The following SVIP variants were observed in gnomAD, a reference collection of about 807,000 sequenced individuals.
The protein encoded by SVIP is small VCP/p97-interacting protein.
A neutral mutation model predicts 12.9 loss-of-function variants in SVIP; 14 were observed. The observed-to-expected ratio is 1.08, with a 90% CI of 0.72 to 1.70. The LOEUF (loss-of-function observed/expected upper bound fraction) is 1.70, where lower values mean the gene tolerates loss of function less well. SVIP is among the 40% of genes most tolerant of loss of function. The pLI is 0.00. For missense variants in SVIP, 93 were observed against 90.8 expected (o/e 1.02, Z -0.10); for synonymous variants, 35 against 33.3 (o/e 1.05, Z -0.17).
chr11:22,829,762 T>C lies in SVIP; in HGVS notation c.-14A>G. ...ACACAGCCCCATAGGGACGACAGCTTGAGAACCCTGACCGGGTCCGGCCCA... is the reference window on the plus strand; with the variant it reads ...ACACAGCCCCATAGGGACGACAGCTCGAGAACCCTGACCGGGTCCGGCCCA... On this transcript the variant is annotated 5_prime_UTR_variant, in exon 1 of 4. Transcript: ENST00000354193. 1.2e-6 allele frequency: 2 copies of C among 1,602,150 alleles called. No homozygotes were observed. Among genetic ancestry groups the C allele is most frequent in the Non-Finnish European group, 1.7e-6 (2 of 1,175,310 alleles).
rs1208688755 is a variant in SVIP at position 22,827,204 on chromosome 11, T to TA, written c.219+2dup. ...TAATCACTAAGAAAATTTTAATACT[T>TA]ACCCTAAGTCCACCTTCTGGTGGGG... On this transcript the variant is annotated splice_region_variant and intron_variant, in intron 3 of 3. Coordinates refer to ENST00000354193, the MANE Select transcript of SVIP (RefSeq NM_148893.3). The TA allele has an allele frequency of 6.2e-7, 1 of 1,604,180 alleles. No homozygotes were observed. The highest frequency in any genetic ancestry group is 8.5e-7 in the Non-Finnish European group (1 of 1,174,262).
chr11:22,823,115 T>C lies in SVIP; in HGVS notation c.*4A>G, dbSNP rs1349048255. 6.3e-7 allele frequency: 1 copy of C among 1,591,848 alleles called. No homozygotes were observed. The highest frequency in any genetic ancestry group is 1.8e-5 in the Admixed American group (1 of 56,642). On this transcript the variant is annotated 3_prime_UTR_variant, in exon 4 of 4. Coordinates refer to ENST00000354193, the MANE Select transcript of SVIP (RefSeq NM_148893.3). ...GCAGTAGATTCTTCTACTCATGTTA[T>C]GCTTTATGAAACTGTCCACTAGAAA...
intron 1 of SVIP, chr11:22,829,486 CA>C (rs1857866085): frequency 2.2e-6 from 1 of 447,330 alleles, no homozygotes; most frequent in Non-Finnish European, 3.9e-6. Flanking sequence ...CTTTTTGTTA[CA>C]AAAGTGGAGA....
rs186416851 is a variant in SVIP at position 22,828,279 on chromosome 11, T to G, written c.55-405A>C. ...AATAAATGAAGTGGGCTAATCTCAG[T>G]GTGTAGGAGGGAAGGACTGGAGTAA... On this transcript the variant is annotated intron_variant, in intron 1 of 3. Coordinates refer to ENST00000354193, the MANE Select transcript of SVIP (RefSeq NM_148893.3). Among the ~76,000 whole-genome samples the G allele has an allele frequency of 1.4e-3, 215 of 152,232 alleles. 1 individual carries two copies. Among genetic ancestry groups the G allele is most frequent in the African/African-American group, 4.8e-3 (198 of 41,508 alleles).
rs957047957 is a variant in SVIP, at chr11:22,821,864, A to G, written c.*1255T>C. 1 of 152,204 alleles carries G rather than the reference A, an allele frequency of 6.6e-6. No individual in the cohort carries two copies. The highest frequency in any genetic ancestry group is 1.5e-5 in the Non-Finnish European group (1 of 68,018). 9.4% of individuals were successfully genotyped at this position (152,204 alleles called of 1,614,324 possible). A position where few individuals can be genotyped will look rare whatever the true frequency, so the allele number is the denominator to read the frequency against. Reference sequence around the variant, plus strand: ...ATAGTTCAAACTTTTAAAAATTAACATGTACAATACACTGCAGTATAACAT... The same window carrying G: ...ATAGTTCAAACTTTTAAAAATTAACGTGTACAATACACTGCAGTATAACAT... On this transcript the variant is annotated 3_prime_UTR_variant, in exon 4 of 4. Coordinates refer to ENST00000354193, the MANE Select transcript of SVIP (RefSeq NM_148893.3).
chr11:22,829,587 G>A, intron 1 of SVIP, 108 bp downstream of exon 1: 2 of 1,176,134 alleles, frequency 1.7e-6, no homozygotes, highest in Non-Finnish European at 2.4e-6. Context: ...GGGTCCCCCA[G>A]CGGGCTCTCG....
chr11:22,829,054 T>C (rs1365419887), intron 1 of SVIP, among the ~76,000 whole-genome samples: 1 of 152,188 alleles, frequency 6.6e-6, no homozygotes, highest in Non-Finnish European at 1.5e-5. Context: ...AAAACGATAT[T>C]ATAAACGTAT....
rs1290620088 is a variant in SVIP at position 22,821,386 on chromosome 11, A to G, written c.*1733T>C. ...CTTTTCACGAAAAGTAATAGATCTG[A>G]ATATCATTCATGGTTAACAATAGAT... is the stretch of plus-strand genomic sequence containing the variant. On this transcript the variant is annotated 3_prime_UTR_variant, in exon 4 of 4. Transcript: ENST00000354193. 6.6e-6 allele frequency: 1 copy of G among 152,006 alleles called. No homozygotes were observed. Among genetic ancestry groups the G allele is most frequent in the East Asian group, 1.9e-4 (1 of 5,188 alleles). 9.4% of individuals were successfully genotyped at this position (152,006 alleles called of 1,614,324 possible).
Position 22,823,091 on chromosome 11 carries a change from C to T in SVIP, c.*28G>A, listed in dbSNP as rs1191943829. 1 of 1,569,828 alleles carries T rather than the reference C, an allele frequency of 6.4e-7. No homozygotes were observed. Among genetic ancestry groups the T allele is most frequent in the South Asian group, 1.2e-5 (1 of 85,514 alleles). On this transcript the variant is annotated 3_prime_UTR_variant, in exon 4 of 4. Transcript: ENST00000354193. ...ATTGCAGATAATAAACAGTTATTGG[C>T]AGTAGATTCTTCTACTCATGTTATG...
Position 22,827,271 on chromosome 11 carries a change from T to G in SVIP, c.155A>C (p.Lys52Thr). 1 of 1,611,016 alleles carries G rather than the reference T, an allele frequency of 6.2e-7. No homozygotes were observed. Among genetic ancestry groups the G allele is most frequent in the South Asian group, 1.1e-5 (1 of 90,480 alleles). Residue 52 changes from lysine to threonine, a missense_variant, in exon 3 of 4, where the codon AAG (lysine) becomes ACG (threonine). Transcript: ENST00000354193. ...LDVQSVQEKR[K>T]KKEKIEKQIA... ...TTGTTTTTCTATTTTTTCCTTTTTC[T>G]TTCTCTTTTCTTGCACAGATTGAAC...
chr11:22,829,725 G>A lies in SVIP; in HGVS notation c.24C>T (p.Pro8=), dbSNP rs773598485. ...CCGGCGTGGGAGGCGCGGACTCCCC[G>A]GGACAAGGAAAACACAGCCCCATAG... MGLCFPC[P]GESAPPTPDL... is the part of the protein sequence containing the mutation. Residue 8 remains proline (P), a synonymous_variant, in exon 1 of 4, where the codon CCC becomes CCT. Coordinates refer to ENST00000354193, the MANE Select transcript of SVIP (RefSeq NM_148893.3). 3 of 1,607,392 alleles carry A rather than the reference G, an allele frequency of 1.9e-6. No individual in the cohort carries two copies. The highest frequency in any genetic ancestry group is 2.2e-5 in the East Asian group (1 of 44,680).
At position 22,825,829 on chromosome 11, in the gene SVIP, C is replaced by T. The variant is rs776009699; in HGVS notation, c.219+1378G>A. Among the ~76,000 whole-genome samples the T allele has an allele frequency of 3.9e-5, 6 of 152,244 alleles. No homozygotes were observed. The East Asian group carries it at 9.7e-4, about 25-fold the overall frequency. On this transcript the variant is annotated intron_variant, in intron 3 of 3. Transcript: ENST00000354193. ...AAATTATCCTTTTCCTATAACATTA[C>T]GTATGACTTTAACTTAATACCTTCA...
rs769163091 is a variant in SVIP, at chr11:22,823,086, AT to A, written c.*32del. 70 of 1,561,700 alleles carry A rather than the reference AT, an allele frequency of 4.5e-5. No homozygotes were observed. In the South Asian group the frequency reaches 7.7e-4, roughly 17 times the overall value. ...ACTTGATTGCAGATAATAAACAGTTATTGGCAGTAGATTCTTCTACTCATGT... is the reference window on the plus strand; with the variant it reads ...ACTTGATTGCAGATAATAAACAGTTATGGCAGTAGATTCTTCTACTCATGT... On this transcript the variant is annotated 3_prime_UTR_variant, in exon 4 of 4. Transcript: ENST00000354193.
rs1181340526 is a variant in SVIP, at chr11:22,829,777, G to T, written c.-29C>A. On this transcript the variant is annotated 5_prime_UTR_variant, in exon 1 of 4. Coordinates refer to ENST00000354193, the MANE Select transcript of SVIP (RefSeq NM_148893.3). The stretch of plus-strand genomic sequence containing the variant: ...GACGACAGCTTGAGAACCCTGACCG[G>T]GTCCGGCCCAGGCCAGGCGGCGCTA... 1.3e-6 allele frequency: 2 copies of T among 1,590,454 alleles called. No homozygotes were observed. Among genetic ancestry groups the T allele is most frequent in the Non-Finnish European group, 1.7e-6 (2 of 1,169,500 alleles).
In SVIP at chr11:22,820,688, A is replaced by C. The variant is rs1394375860; in HGVS notation, c.*2431T>G. On this transcript the variant is annotated 3_prime_UTR_variant, in exon 4 of 4. Transcript: ENST00000354193. Reference sequence around the variant, plus strand: ...ACCAAACCATGTGTGAGAACTGTTAAATTACATTCCAAATACCAGCAGTGG... The same window carrying C: ...ACCAAACCATGTGTGAGAACTGTTACATTACATTCCAAATACCAGCAGTGG... 1.3e-5 allele frequency: 2 copies of C among 152,246 alleles called. No homozygotes were observed. The highest frequency in any genetic ancestry group is 2.4e-5 in the African/African-American group (1 of 41,454). 9.4% of individuals were successfully genotyped at this position (152,246 alleles called of 1,614,324 possible).
chr11:22,829,607 A>T (rs2134777740), intron 1 of SVIP, 88 bp downstream of exon 1: 2 of 1,371,524 alleles, frequency 1.5e-6, no homozygotes, highest in Non-Finnish European at 1.0e-6. Context: ...GACCTGCGCC[A>T]CCAGGTACAA....
chr11:22,829,642 A>C, intron 1 of SVIP, 53 bp downstream of exon 1: 1 of 1,529,574 alleles, frequency 6.5e-7, no homozygotes, highest in South Asian at 1.2e-5. Flanking sequence ...CCGCAACCCG[A>C]GGACAGGTGC....
chr11:22,827,949 G>T, intron 1 of SVIP, 75 bp from the exon 2 acceptor site: 1 of 1,183,300 alleles, frequency 8.5e-7, no homozygotes, highest in Non-Finnish European at 1.2e-6. Flanking sequence ...TTATTTCATA[G>T]GCACTATAAC....
rs1393617016 is a variant in SVIP, at chr11:22,820,138, G to A, written c.*2981C>T. ...GAATTTGAAATGCTTGCTTGGAGAT[G>A]TTAAAGAAATATACCTTATGTCTCA... On this transcript the variant is annotated 3_prime_UTR_variant, in exon 4 of 4. Coordinates refer to ENST00000354193, the MANE Select transcript of SVIP (RefSeq NM_148893.3). The A allele has an allele frequency of 2.0e-5, 3 of 152,196 alleles. No homozygotes were observed. The highest frequency in any genetic ancestry group is 1.3e-4 in the Admixed American group (2 of 15,284). 9.4% of individuals were successfully genotyped at this position (152,196 alleles called of 1,614,324 possible).
Sources: gnomAD v4.1 joint callset for allele counts (sites outside exome capture counted in the v4.1 genomes callset) on GRCh38, gnomAD v4.1.1 for gene constraint, MANE v1.5 for transcripts, NCBI Gene and HGNC (gene_info 2026-07-23, HGNC 2026-07-21) for gene names.